DEPDC4: variants seen among roughly 807,000 people sequenced by gnomAD.
DEPDC4 encodes DEP domain-containing protein 4.
A neutral mutation model predicts 52.0 loss-of-function variants in DEPDC4; 52 were observed. The observed-to-expected ratio is 1.00, with a 90% CI of 0.80 to 1.26. DEPDC4 has a LOEUF of 1.26. DEPDC4 is among the 50% of genes most tolerant of loss of function. The pLI, the probability that DEPDC4 is intolerant of heterozygous loss-of-function variation, is 0.00. For missense variants in DEPDC4, 530 were observed against 546.9 expected (o/e 0.97, Z 0.31); for synonymous variants, 201 against 196.8 (o/e 1.02, Z -0.18).
intron 8 of DEPDC4, among the ~76,000 whole-genome samples, chr12:100,243,354 C>T (rs1484157605): frequency 6.6e-6 from 1 of 152,108 alleles, no homozygotes; most frequent in African/African-American, 2.4e-5. Flanking sequence ...TTTCTCAACT[C>T]CCCTAACCAT....
chr12:100,264,051 C>T (rs1401340448), intron 1 of DEPDC4, among the ~76,000 whole-genome samples, 158 bp from the exon 2 acceptor site: 3 of 152,184 alleles, frequency 2.0e-5, no homozygotes, highest in African/African-American at 7.2e-5. Context: ...AGTATATTTA[C>T]TAAGTTGCAC....
chr12:100,277,502 A>G, the DEPDC4 span, among the ~76,000 whole-genome samples: 1 of 152,226 alleles, frequency 6.6e-6, no homozygotes, highest in Admixed American at 6.5e-5. Context: ...CTTTGTCATT[A>G]CAAAATGACT....
chr12:100,268,997 C>A (rs142763034), upstream of DEPDC4, among the ~76,000 whole-genome samples: 1 of 152,310 alleles, frequency 6.6e-6, no homozygotes, highest in Non-Finnish European at 1.5e-5. Context: ...ATCCTGACTA[C>A]TTCCGTAGCC....
At chr12:100,266,614 A>G (rs1448724711) in intron 1 of DEPDC4, among the ~76,000 whole-genome samples, 1 of 152,210 alleles carries the variant, frequency 6.6e-6, no homozygotes, top group East Asian at 1.9e-4. Flanking sequence ...TGTATTAGAA[A>G]CGCAGATTAT....
At chr12:100,241,945 T>C in intron 9 of DEPDC4, 100 bp from the exon 10 acceptor site, 1 of 674,532 alleles carries the variant, frequency 1.5e-6, no homozygotes, top group Non-Finnish European at 1.9e-6. Flanking sequence ...GGTCTTACGG[T>C]ATGTTACCTA....
At chr12:100,255,159 G>GC (rs1365792470) in intron 4 of DEPDC4, among the ~76,000 whole-genome samples, 3 of 152,172 alleles carry the variant, frequency 2.0e-5, no homozygotes, top group African/African-American at 7.2e-5. Context: ...CAGCTAATCT[G>GC]CCCTTTTTGC....
At chr12:100,273,896 G>A in the DEPDC4 span, among the ~76,000 whole-genome samples, 2 of 152,128 alleles carry the variant, frequency 1.3e-5, no homozygotes, top group South Asian at 2.1e-4. Context: ...CAAGATGCAC[G>A]GCATTTAATA....
At chr12:100,258,814 T>C (rs1312585451) in intron 3 of DEPDC4, among the ~76,000 whole-genome samples, 3 of 152,090 alleles carry the variant, frequency 2.0e-5, no homozygotes, top group Non-Finnish European at 4.4e-5. Context: ...TTCACGTCTG[T>C]AATCTCAGCA....
the DEPDC4 span, among the ~76,000 whole-genome samples, chr12:100,272,380 G>A: frequency 1.1e-4 from 17 of 152,118 alleles, no homozygotes; most frequent in African/African-American, 2.4e-4. Context: ...TCAAAATCTC[G>A]TTTAAGTTCA....
downstream of DEPDC4, among the ~76,000 whole-genome samples, chr12:100,235,209 C>T (rs1029555047): frequency 2.6e-5 from 4 of 152,068 alleles, no homozygotes; most frequent in Non-Finnish European, 4.4e-5. Context: ...ACAACTCTGA[C>T]TTCTGGTAAT....
At chr12:100,279,818 G>A in the DEPDC4 span, among the ~76,000 whole-genome samples, 1 of 152,226 alleles carries the variant, frequency 6.6e-6, no homozygotes, top group Admixed American at 6.5e-5. Flanking sequence ...TAGCTCTCTA[G>A]TTTGGTTCTT....
At chr12:100,243,563 G>A (rs1231301121) in intron 8 of DEPDC4, among the ~76,000 whole-genome samples, 1 of 151,962 alleles carries the variant, frequency 6.6e-6, no homozygotes, top group Non-Finnish European at 1.5e-5. Context: ...CCTTCCTCCT[G>A]TTCCAGGAAA....
chr12:100,249,073 A>G (rs1460771304), intron 7 of DEPDC4, 95 bp from the exon 8 acceptor site: 1 of 373,374 alleles, frequency 2.7e-6, no homozygotes, highest in Non-Finnish European at 3.7e-6. Context: ...TTTTTGACCA[A>G]TGAGTAGAGG....
chr12:100,251,208 T>C (rs1397493145), intron 7 of DEPDC4, among the ~76,000 whole-genome samples: 1 of 151,896 alleles, frequency 6.6e-6, no homozygotes, highest in African/African-American at 2.4e-5. Flanking sequence ...TAGCTGGGGT[T>C]AAAGGCATGT....
intron 3 of DEPDC4, 72 bp downstream of exon 3, chr12:100,262,192 C>T: frequency 2.7e-6 from 4 of 1,488,336 alleles, no homozygotes; most frequent in Non-Finnish European, 3.6e-6. Flanking sequence ...CTTGAAACTG[C>T]TTATAAGAAC....
chr12:100,244,602 T>C (rs1021128900), intron 8 of DEPDC4, among the ~76,000 whole-genome samples: 7 of 151,622 alleles, frequency 4.6e-5, no homozygotes, highest in Non-Finnish European at 1.0e-4. Context: ...TGCTGAATAA[T>C]TTTTTATATT....
intron 9 of DEPDC4, among the ~76,000 whole-genome samples, chr12:100,231,848 G>A (rs1314986537): frequency 6.6e-6 from 1 of 152,008 alleles, no homozygotes; most frequent in African/African-American, 2.4e-5. Context: ...AGGAGGCTGA[G>A]GCGGGAGAGT....
upstream of DEPDC4, among the ~76,000 whole-genome samples, chr12:100,269,381 T>C (rs1300751284): frequency 6.6e-6 from 1 of 152,102 alleles, no homozygotes; most frequent in Non-Finnish European, 1.5e-5. Flanking sequence ...GGGAAGACTT[T>C]CCTGATTAGA....
chr12:100,244,091 CTGTG>C (rs201487180), intron 8 of DEPDC4, among the ~76,000 whole-genome samples: 4 of 34,992 alleles, frequency 1.1e-4, no homozygotes, highest in Admixed American at 8.1e-4. Context: ...CTCTCTCTCT[CTGTG>C]TATATATATA....
Sources: allele counts gnomAD v4.1 joint callset (sites outside exome capture counted in the v4.1 genomes callset), GRCh38; gene constraint gnomAD v4.1.1; transcripts MANE v1.5; gene names NCBI Gene and HGNC (gene_info 2026-07-23, HGNC 2026-07-21).